ZNF311: variants seen among roughly 807,000 people sequenced by gnomAD.
The protein encoded by ZNF311 is zinc finger protein 311.
ZNF311 carries 14 observed loss-of-function variants against 22.7 expected under a neutral mutation model. The observed-to-expected ratio is 0.62, with a 90% CI of 0.41 to 0.96. ZNF311 has a LOEUF of 0.96. Ranked by LOEUF, ZNF311 falls within the 40% of genes least tolerant of loss-of-function variation. The probability of loss-of-function intolerance (pLI) is 0.00; values close to 1 mark genes in which losing one functional copy is unlikely to be tolerated. For missense variants in ZNF311, 731 were observed against 799.0 expected (o/e 0.91, Z 1.03); for synonymous variants, 250 against 275.3 (o/e 0.91, Z 0.91).
Position 28,995,493 on chromosome 6 carries a change from A to G in ZNF311, c.1509T>C (p.Asp503=), listed in dbSNP as rs1779361320. 6.2e-7 allele frequency: 1 copy of G among 1,612,294 alleles called. No homozygotes were observed. The highest frequency in any genetic ancestry group is 8.5e-7 in the Non-Finnish European group (1 of 1,179,386). ...GCTTATCTTGGAAGGTTTTCCCACA[A>G]TCCCTGCATTGATAGGGCTTCTCCC... The part of the protein sequence containing the change: ...HTGEKPYQCR[D]CGKTFQDKHC... The change falls in exon 7 of 7, where the codon GAT becomes GAC. Residue 503 remains aspartate (D), a synonymous_variant. Transcript: ENST00000377179. The surrounding 1 kb of genome is among the most constrained non-coding windows in gnomAD (Gnocchi z 4.7).
rs1781033665 is a variant in ZNF311, at chr6:29,005,256, A to T, written c.-509T>A. The T allele has an allele frequency of 6.7e-6, 1 of 149,632 alleles. No individual in the cohort carries two copies. The highest frequency in any genetic ancestry group is 1.5e-5 in the Non-Finnish European group (1 of 67,664). The allele number at this position is 149,632 out of a possible 1,614,324, so 9.3% of individuals were successfully genotyped here. A position where few individuals can be genotyped will look rare whatever the true frequency, so the allele number is the denominator to read the frequency against. On this transcript the variant is annotated 5_prime_UTR_variant, in exon 1 of 7. Coordinates refer to ENST00000377179, the MANE Select transcript of ZNF311 (RefSeq NM_001382360.1). ...GCTGACTGAATGAATATATGAATGG[A>T]TGCTGTAGAGAAGAATAAAAAGAAT... is the stretch of plus-strand genomic sequence containing the variant.
Position 28,996,294 on chromosome 6 carries a change from T to C in ZNF311, c.708A>G (p.Gln236=), listed in dbSNP as rs1191205016. The part of the protein sequence containing the change: ...KNLNPNSKHS[Q]CNKVLIAQKL... Reference sequence around the variant, plus strand: ...TCTGTGCTATAAGAACTTTATTACATTGACTATGTTTTGAGTTTGGATTCA... The same window carrying C: ...TCTGTGCTATAAGAACTTTATTACACTGACTATGTTTTGAGTTTGGATTCA... The change falls in exon 7 of 7, where the codon CAA becomes CAG. Residue 236 remains glutamine (Q), a synonymous_variant. Transcript: ENST00000377179. The C allele has an allele frequency of 9.9e-6, 16 of 1,612,990 alleles. No homozygotes were observed. The highest frequency in any genetic ancestry group is 1.3e-5 in the African/African-American group (1 of 75,058).
At chr6:28,999,700 A>T (rs1277984009) in intron 4 of ZNF311, 87 bp from the exon 5 acceptor site, 1 of 1,508,136 alleles carries the variant, frequency 6.6e-7, no homozygotes, top group Admixed American at 2.3e-5. Context: ...TGCAAGGAGG[A>T]GGTTTATAGA....
At chr6:29,000,119 T>G in intron 3 of ZNF311, 72 bp from the exon 4 acceptor site, 1 of 1,415,228 alleles carries the variant, frequency 7.1e-7, no homozygotes, top group Non-Finnish European at 9.8e-7. Flanking sequence ...TCGTCTTCTC[T>G]TCCTCAAATG....
At chr6:28,997,050 G>C (rs1448675516) in intron 6 of ZNF311, among the ~76,000 whole-genome samples, 1 of 152,206 alleles carries the variant, frequency 6.6e-6, no homozygotes, top group East Asian at 1.9e-4. Context: ...AGCCCATCTG[G>C]TTGGGGCAGA....
Position 28,996,254 on chromosome 6 carries a change from C to A in ZNF311, c.748G>T (p.Ala250Ser), listed in dbSNP as rs773446019. 3.1e-6 allele frequency: 5 copies of A among 1,613,092 alleles called. No individual in the cohort carries two copies. The Admixed American group carries it at 5.0e-5, about 16-fold the overall frequency. The change falls in exon 7 of 7, where the codon GCC becomes TCC. Residue 250 changes from alanine to serine, a missense_variant. Coordinates refer to ENST00000377179, the MANE Select transcript of ZNF311 (RefSeq NM_001382360.1). ...CAACTGAAGTTTTTGCCACACCTGG[C>A]ACATTCATGGAGTTTCTGTGCTATA... ...VLIAQKLHEC[A>S]RCGKNFSWHS...
intron 5 of ZNF311, among the ~76,000 whole-genome samples, chr6:28,999,277 C>G (rs1352835871): frequency 6.6e-6 from 1 of 151,944 alleles, no homozygotes; most frequent in Non-Finnish European, 1.5e-5. Context: ...CCTTTTAACT[C>G]ATTCCAAATC....
intron 6 of ZNF311, among the ~76,000 whole-genome samples, chr6:28,997,761 GT>G (rs1779826548): frequency 6.6e-6 from 1 of 152,188 alleles, no homozygotes; most frequent in African/African-American, 2.4e-5. Flanking sequence ...TAGTATGACA[GT>G]TAATAAATCT....
chr6:29,003,005 T>C (rs1299417030), intron 3 of ZNF311, among the ~76,000 whole-genome samples: 2 of 152,214 alleles, frequency 1.3e-5, no homozygotes, highest in African/African-American at 2.4e-5. Flanking sequence ...GGGAAAACTT[T>C]TGCTTCTTCT....
rs1177513738 is a variant in ZNF311, at chr6:28,999,469, T to A, written c.310+18A>T. On this transcript the variant is annotated intron_variant, in intron 5 of 6. Coordinates refer to ENST00000377179, the MANE Select transcript of ZNF311 (RefSeq NM_001382360.1). Reference sequence around the variant, plus strand: ...AAAAAAGAAGGTAGAAAGCATTAAGTGTAGGGAAGGTCCTTACCAAGTGAT... The same window carrying A: ...AAAAAAGAAGGTAGAAAGCATTAAGAGTAGGGAAGGTCCTTACCAAGTGAT... 1 of 1,600,006 alleles carries A rather than the reference T, an allele frequency of 6.2e-7. No individual in the cohort carries two copies. The highest frequency in any genetic ancestry group is 8.5e-7 in the Non-Finnish European group (1 of 1,175,482).
At chr6:29,000,120 TCCTCAAATGTAGAAG>T in intron 3 of ZNF311, 73 bp from the exon 4 acceptor site, 1 of 1,400,322 alleles carries the variant, frequency 7.1e-7, no homozygotes, top group Non-Finnish European at 9.9e-7. Context: ...CGTCTTCTCT[TCCTCAAATGTAGAAG>T]CTTCTGCAGC....
At chr6:28,998,428 G>C (rs149147387) in intron 6 of ZNF311, among the ~76,000 whole-genome samples, 5 of 152,086 alleles carry the variant, frequency 3.3e-5, no homozygotes, top group African/African-American at 1.2e-4. Context: ...CCGACCTCAG[G>C]TGATCTGCCC....
chr6:28,998,908 C>T, intron 5 of ZNF311, 70 bp from the exon 6 acceptor site: 1 of 1,050,114 alleles, frequency 9.5e-7, no homozygotes, highest in Non-Finnish European at 1.4e-6. Flanking sequence ...AGCTAAGCAG[C>T]CCTGATCCTT....
chr6:28,998,711 C>T (rs1438455074), intron 6 of ZNF311, 23 bp downstream of exon 6: 3 of 1,528,168 alleles, frequency 2.0e-6, no homozygotes, highest in Admixed American at 1.8e-5. Flanking sequence ...TCAGAGGGAA[C>T]TGAAAGTTTC....
intron 6 of ZNF311, among the ~76,000 whole-genome samples, chr6:28,997,496 A>C (rs1472877379): frequency 4.6e-5 from 7 of 152,160 alleles, no homozygotes; most frequent in Non-Finnish European, 1.0e-4. Context: ...TCTGAACTCT[A>C]TCTCTTCCTC....
In ZNF311 at chr6:28,995,875, ATGG is replaced by A; in HGVS notation, c.1124_1126del (p.Thr375del). ...CTCCCCAGTGTGGATTCTGCCATGGATGGTAAGGGAATGCTTAAACTGGAAGGC... is the reference window on the plus strand; with the variant it reads ...CTCCCCAGTGTGGATTCTGCCATGGATAAGGGAATGCTTAAACTGGAAGGC... On this transcript the variant is annotated inframe_deletion, in exon 7 of 7. Transcript: ENST00000377179. This position sits in a 1 kb window ranked among gnomAD's most constrained non-coding sequence, Gnocchi z 4.7. 6.2e-7 allele frequency: 1 copy of A among 1,613,896 alleles called. No individual in the cohort carries two copies. Among genetic ancestry groups the A allele is most frequent in the Non-Finnish European group, 8.5e-7 (1 of 1,180,008 alleles).
At chr6:29,002,639 T>A (rs553698957) in intron 3 of ZNF311, among the ~76,000 whole-genome samples, 2 of 151,048 alleles carry the variant, frequency 1.3e-5, no homozygotes, top group African/African-American at 2.4e-5. Context: ...TTTTTTTTTT[T>A]AGACAGAGTC....
At chr6:29,000,966 T>C (rs1780370259) in intron 3 of ZNF311, among the ~76,000 whole-genome samples, 1 of 152,010 alleles carries the variant, frequency 6.6e-6, no homozygotes, top group African/African-American at 2.4e-5. Flanking sequence ...TTAGTAGAGA[T>C]GGGGTTTCAC....
chr6:28,999,504 CCATAATTTTCCAA>C lies in ZNF311; in HGVS notation c.280_292del (p.Leu94GlyfsTer15). The stretch of plus-strand genomic sequence containing the variant: ...GTCCTTACCAAGTGATACCATGTTC[CCATAATTTTCCAA>C]CATCACATCCTTATAGAGATGCCTT... On this transcript the variant is annotated frameshift_variant, in exon 5 of 7. Coordinates refer to ENST00000377179, the MANE Select transcript of ZNF311 (RefSeq NM_001382360.1). LOFTEE classifies it high-confidence loss of function. The C allele has an allele frequency of 6.2e-7, 1 of 1,610,032 alleles. No individual in the cohort carries two copies.
Sources: allele counts gnomAD v4.1 joint callset (sites outside exome capture counted in the v4.1 genomes callset), GRCh38; gene constraint gnomAD v4.1.1; non-coding constraint Gnocchi (gnomAD v3.1); transcripts MANE v1.5; gene names NCBI Gene and HGNC (gene_info 2026-07-23, HGNC 2026-07-21).